DOCK3: variants seen among roughly 807,000 people sequenced by gnomAD.
DOCK3 encodes dedicator of cytokinesis 3, also known as dedicator of cytokinesis protein 3.
A neutral mutation model predicts 265.6 loss-of-function variants in DOCK3; 60 were observed. The ratio of observed to expected loss-of-function variants is 0.23; its 90% CI spans 0.18 to 0.28. The LOEUF is 0.28. Among genes scored for constraint, DOCK3 ranks in the 10% least tolerant of loss-of-function variants. DOCK3 has a pLI of 1.00. For synonymous variants in DOCK3, 881 were observed against 938.0 expected (o/e 0.94, Z 1.11); for missense variants, 1,981 against 2,594.3 (o/e 0.76, Z 5.14).
chr3:50,699,868 T>C (rs948551134), intron 1 of DOCK3, among the ~76,000 whole-genome samples: 2 of 152,222 alleles, frequency 1.3e-5, no homozygotes, highest in African/African-American at 4.8e-5. Context: ...TAATCGTACA[T>C]ATTTTTGGAA....
At chr3:50,936,280 A>C (rs550920126) in intron 5 of DOCK3, among the ~76,000 whole-genome samples, 127 of 152,054 alleles carry the variant, frequency 8.4e-4, no homozygotes, top group African/African-American at 3.0e-3. Flanking sequence ...AAATAGAAAA[A>C]ATGAGCTCTG....
intron 3 of DOCK3, among the ~76,000 whole-genome samples, chr3:50,881,586 C>CT (rs2048026259): frequency 6.6e-6 from 1 of 152,084 alleles, no homozygotes; most frequent in African/African-American, 2.4e-5. Flanking sequence ...TCAAGGATAA[C>CT]TACAAACCAC....
chr3:51,330,539 G>C (rs757489014), intron 33 of DOCK3, among the ~76,000 whole-genome samples: 4 of 152,210 alleles, frequency 2.6e-5, no homozygotes, highest in African/African-American at 4.8e-5. Context: ...TGGAGACTCA[G>C]TTCTGGGCTC....
chr3:51,259,882 A>G (rs2079760722), intron 22 of DOCK3, among the ~76,000 whole-genome samples: 1 of 152,220 alleles, frequency 6.6e-6, no homozygotes, highest in Non-Finnish European at 1.5e-5. Flanking sequence ...TATTTCTATA[A>G]CAGTCTATGG....
rs946617422 is a variant in DOCK3, at chr3:50,725,760, A to G, written c.37+50460A>G. ...TTGTCTCAAATAATTGTGGTTGTAC[A>G]TTTTGACCTGTCTGCTATGAGGGAT... On this transcript the variant is annotated intron_variant, in intron 1 of 52. Coordinates refer to ENST00000266037, the MANE Select transcript of DOCK3 (RefSeq NM_004947.5). Among the ~76,000 whole-genome samples the G allele has an allele frequency of 3.3e-5, 5 of 152,118 alleles. No individual in the cohort carries two copies. In the East Asian group the frequency reaches 9.6e-4, roughly 29 times the overall value.
At chr3:50,918,513 A>C (rs2050256595) in intron 4 of DOCK3, among the ~76,000 whole-genome samples, 1 of 152,166 alleles carries the variant, frequency 6.6e-6, no homozygotes, top group South Asian at 2.1e-4. Flanking sequence ...ATGGCCAGTG[A>C]TAATGAGCCT....
intron 4 of DOCK3, among the ~76,000 whole-genome samples, chr3:50,911,118 A>C (rs536426339): frequency 1.3e-5 from 2 of 151,554 alleles, no homozygotes; most frequent in African/African-American, 4.9e-5. Flanking sequence ...TTGTCTTTTC[A>C]CTTTCTTGAT....
chr3:51,230,347 A>C (rs2090493176), intron 19 of DOCK3, among the ~76,000 whole-genome samples: 1 of 152,144 alleles, frequency 6.6e-6, no homozygotes, highest in Non-Finnish European at 1.5e-5. Flanking sequence ...TTTAGCTCCC[A>C]GTTACAAGTG....
intron 32 of DOCK3, among the ~76,000 whole-genome samples, chr3:51,323,578 A>AT (rs1352377571): frequency 3.9e-5 from 6 of 152,202 alleles, no homozygotes; most frequent in Non-Finnish European, 8.8e-5. Context: ...CTGCTCCTGA[A>AT]TGACTACTGG....
intron 13 of DOCK3, among the ~76,000 whole-genome samples, chr3:51,211,607 C>A (rs1207540927): frequency 2.6e-5 from 1 of 39,078 alleles, no homozygotes; most frequent in Non-Finnish European, 4.6e-5. Context: ...TGAGAACATG[C>A]AGTGTTTGGT....
chr3:50,716,805 G>A (rs1425112620), intron 1 of DOCK3, among the ~76,000 whole-genome samples: 1 of 151,478 alleles, frequency 6.6e-6, no homozygotes, highest in Non-Finnish European at 1.5e-5. Flanking sequence ...TTATATATTT[G>A]CATAACTAAT....
intron 38 of DOCK3, among the ~76,000 whole-genome samples, chr3:51,345,198 G>A (rs971901721): frequency 1.4e-4 from 22 of 152,286 alleles, no homozygotes; most frequent in African/African-American, 4.6e-4. Context: ...CTGCCCAAGC[G>A]GCACTTGGAG....
chr3:51,034,434 C>T (rs2080176267), intron 5 of DOCK3, among the ~76,000 whole-genome samples: 1 of 151,992 alleles, frequency 6.6e-6, no homozygotes. Flanking sequence ...ATTATACATT[C>T]ATAGCTTTTT....
At chr3:51,065,264 C>T (rs966132046) in intron 6 of DOCK3, among the ~76,000 whole-genome samples, 7 of 151,826 alleles carry the variant, frequency 4.6e-5, no homozygotes, top group Admixed American at 2.6e-4. Flanking sequence ...AAATTGGGTC[C>T]ATTGAACTTT....
chr3:50,893,412 GAGAT>G (rs2048735330), intron 4 of DOCK3: 1 of 158,068 alleles, frequency 6.3e-6, no homozygotes, highest in Non-Finnish European at 1.4e-5. Context: ...TACCAACAAA[GAGAT>G]AGAAACCATA....
intron 5 of DOCK3, among the ~76,000 whole-genome samples, chr3:50,943,071 C>T (rs1575584521): frequency 6.6e-6 from 1 of 151,552 alleles, no homozygotes; most frequent in East Asian, 1.9e-4. Context: ...ACTGTTTAGC[C>T]CATAAAGGAA....
At chr3:51,280,400 G>A (rs550451325) in intron 27 of DOCK3, among the ~76,000 whole-genome samples, 196 bp downstream of exon 27, 109 of 152,208 alleles carry the variant, frequency 7.2e-4, no homozygotes, top group Non-Finnish European at 1.0e-3. Flanking sequence ...CTGGACCCTC[G>A]TAACACTGCC....
At chr3:51,371,694 A>G (rs2087691713) in intron 49 of DOCK3, among the ~76,000 whole-genome samples, 1 of 152,204 alleles carries the variant, frequency 6.6e-6, no homozygotes, top group Non-Finnish European at 1.5e-5. Context: ...TACTTCCCCC[A>G]CTCCCAAGAG....
chr3:51,295,778 T>C (rs183587483), intron 27 of DOCK3, among the ~76,000 whole-genome samples: 1 of 151,548 alleles, frequency 6.6e-6, no homozygotes, highest in Non-Finnish European at 1.5e-5. Context: ...CAATAAGGCG[T>C]TGGGGGGTGG....
Sources: allele counts gnomAD v4.1 joint callset (sites outside exome capture counted in the v4.1 genomes callset), GRCh38; gene constraint gnomAD v4.1.1; transcripts MANE v1.5; gene names NCBI Gene and HGNC (gene_info 2026-07-23, HGNC 2026-07-21).